EYS: variants seen among roughly 807,000 people sequenced by gnomAD.
EYS encodes the protein EGF-like photoreceptor maintenance factor.
EYS carries 250 observed loss-of-function variants against 282.1 expected under a neutral mutation model. The ratio of observed to expected loss-of-function variants is 0.89; its 90% CI spans 0.80 to 0.98. The LOEUF (loss-of-function observed/expected upper bound fraction) is 0.98, where lower values mean the gene tolerates loss of function less well. Among genes scored for constraint, EYS ranks in the 50% least tolerant of loss-of-function variants. The pLI, the probability that EYS is intolerant of heterozygous loss-of-function variation, is 0.00. For synonymous variants in EYS, 1,355 were observed against 1,282.9 expected (o/e 1.06, Z -1.20); for missense variants, 4,016 against 3,709.0 (o/e 1.08, Z -2.15).
intron 26 of EYS, among the ~76,000 whole-genome samples, chr6:64,519,428 T>C (rs1777662357): frequency 6.6e-6 from 1 of 151,784 alleles, no homozygotes; most frequent in Admixed American, 6.6e-5. Context: ...GAAGCATAAA[T>C]GTTGAATGAA....
At chr6:64,663,951 G>A (rs891357677) in intron 22 of EYS, among the ~76,000 whole-genome samples, 1 of 152,214 alleles carries the variant, frequency 6.6e-6, no homozygotes, top group Non-Finnish European at 1.5e-5. Flanking sequence ...GCACTTAGCT[G>A]CACAGAATAA....
intron 14 of EYS, among the ~76,000 whole-genome samples, chr6:64,950,705 C>T (rs1769458180): frequency 6.8e-6 from 1 of 147,232 alleles, no homozygotes; most frequent in Non-Finnish European, 1.5e-5. Flanking sequence ...ACAACAACTA[C>T]CTACAAAATG....
intron 35 of EYS, among the ~76,000 whole-genome samples, chr6:63,914,140 G>C (rs1432096134): frequency 5.3e-5 from 8 of 151,892 alleles, no homozygotes; most frequent in Admixed American, 4.6e-4. Flanking sequence ...TCTCTCTCTA[G>C]GACTCCCTAT....
intron 26 of EYS, among the ~76,000 whole-genome samples, chr6:64,492,344 C>T (rs9345170): frequency 0.32 from 48,364 of 150,872 alleles, 7,960 homozygotes; most frequent in East Asian, 0.59. Flanking sequence ...TTTTGTTTCA[C>T]AGTCATTTTT....
chr6:64,560,681 C>A (rs58035258), intron 26 of EYS, among the ~76,000 whole-genome samples: 1 of 151,602 alleles, frequency 6.6e-6, no homozygotes, highest in Non-Finnish European at 1.5e-5. Flanking sequence ...TTGTATTTAC[C>A]GATAATAAAA....
chr6:64,050,696 T>C (rs895090687), intron 33 of EYS, among the ~76,000 whole-genome samples: 1 of 152,178 alleles, frequency 6.6e-6, no homozygotes, highest in Non-Finnish European at 1.5e-5. Context: ...TGCTGCTCTC[T>C]CAGCTAGGGG....
intron 18 of EYS, among the ~76,000 whole-genome samples, chr6:64,894,832 GGTCA>G (rs1222036633): frequency 6.6e-6 from 1 of 152,024 alleles, no homozygotes; most frequent in African/African-American, 2.4e-5. Context: ...AGATTATTGA[GGTCA>G]GTTCAGGTGA....
chr6:65,646,850 C>A (rs1429482169), intron 1 of EYS, among the ~76,000 whole-genome samples: 3 of 152,158 alleles, frequency 2.0e-5, no homozygotes, highest in Non-Finnish European at 4.4e-5. Context: ...GTACACAAAT[C>A]AGTAGCTTTG....
intron 12 of EYS, among the ~76,000 whole-genome samples, chr6:65,277,186 G>A (rs1184129548): frequency 6.6e-6 from 1 of 152,090 alleles, no homozygotes; most frequent in African/African-American, 2.4e-5. Flanking sequence ...TGTAATTCCA[G>A]CACTTTGGGA....
At chr6:65,279,872 T>C (rs1423751257) in intron 12 of EYS, among the ~76,000 whole-genome samples, 1 of 152,172 alleles carries the variant, frequency 6.6e-6, no homozygotes, top group Non-Finnish European at 1.5e-5. Context: ...TTCAATTCTA[T>C]AATTTTGACA....
At chr6:64,353,606 T>C (rs1005795731) in intron 29 of EYS, among the ~76,000 whole-genome samples, 3 of 151,674 alleles carry the variant, frequency 2.0e-5, no homozygotes, top group African/African-American at 7.2e-5. Context: ...TAAAGGCGTT[T>C]AGGTTACTGA....
intron 37 of EYS, among the ~76,000 whole-genome samples, chr6:63,798,987 GTATATATATATATA>G (rs56290982): frequency 1.2e-3 from 104 of 85,754 alleles, no homozygotes; most frequent in African/African-American, 5.0e-3. Flanking sequence ...GTATATGTGT[GTATATATATATATA>G]TATATATATA....
At chr6:65,154,824 A>C (rs1026858146) in intron 12 of EYS, among the ~76,000 whole-genome samples, 1 of 151,596 alleles carries the variant, frequency 6.6e-6, no homozygotes, top group African/African-American at 2.4e-5. Context: ...GGAAGGGTAA[A>C]GGTGATTTAT....
At chr6:65,617,362 C>T (rs775533691) in intron 2 of EYS, among the ~76,000 whole-genome samples, 28 of 152,036 alleles carry the variant, frequency 1.8e-4, no homozygotes, top group Non-Finnish European at 2.8e-4. Context: ...GAAAAAGAAA[C>T]TCACTTGTTA....
intron 26 of EYS, among the ~76,000 whole-genome samples, chr6:64,502,690 A>G (rs2150513038): frequency 6.6e-6 from 1 of 151,912 alleles, no homozygotes; most frequent in Non-Finnish European, 1.5e-5. Flanking sequence ...TCTGCTATTG[A>G]CAGTTTTGTT....
chr6:65,444,475 C>T (rs1332082380), intron 5 of EYS, among the ~76,000 whole-genome samples: 1 of 151,960 alleles, frequency 6.6e-6, no homozygotes, highest in Non-Finnish European at 1.5e-5. Flanking sequence ...ACAGGGAGAC[C>T]AGGATGCTGG....
At chr6:63,798,021 G>A (rs1770688796) in intron 37 of EYS, 1 of 152,182 alleles carries the variant, frequency 6.6e-6, no homozygotes, top group Non-Finnish European at 1.5e-5. Context: ...AGGGATGTAA[G>A]CACCAGTTTG....
intron 31 of EYS, among the ~76,000 whole-genome samples, chr6:64,115,169 C>G (rs564409360): frequency 6.6e-6 from 1 of 152,294 alleles, no homozygotes; most frequent in South Asian, 2.1e-4. Context: ...ACAGTGGTTG[C>G]TCTGCACATG....
chr6:64,727,521 T>C (rs571492789), intron 22 of EYS, among the ~76,000 whole-genome samples: 2 of 152,216 alleles, frequency 1.3e-5, no homozygotes, highest in Non-Finnish European at 2.9e-5. Flanking sequence ...TTATTGAAGC[T>C]ACTTTTTTCT....
Sources: allele counts gnomAD v4.1 joint callset (sites outside exome capture counted in the v4.1 genomes callset), GRCh38; gene constraint gnomAD v4.1.1; transcripts MANE v1.5; gene names NCBI Gene and HGNC (gene_info 2026-07-23, HGNC 2026-07-21).